GOLIM4: variants seen among roughly 807,000 people sequenced by gnomAD.
GOLIM4 encodes the protein golgi integral membrane protein 4.
In GOLIM4, 71 loss-of-function variants were observed where a neutral mutation model predicts 107.4. That is an observed-to-expected ratio of 0.66 (90% CI 0.55 to 0.81). The LOEUF (loss-of-function observed/expected upper bound fraction) is 0.81. GOLIM4 is among the 30% of genes least tolerant of loss of function. The pLI is 0.00. For synonymous variants in GOLIM4, 327 were observed against 294.8 expected, an observed-to-expected ratio of 1.11 and a Z score of -1.12; for missense variants, 830 against 826.1, an observed-to-expected ratio of 1.00 and a Z score of -0.06.
intron 1 of GOLIM4, among the ~76,000 whole-genome samples, chr3:168,070,894 C>T (rs1720800716): frequency 6.6e-6 from 1 of 152,136 alleles, no homozygotes; most frequent in South Asian, 2.1e-4. Flanking sequence ...AATAAGTTCG[C>T]TCTTCTTTGT....
At chr3:168,071,681 C>T (rs1273268388) in intron 1 of GOLIM4, among the ~76,000 whole-genome samples, 4 of 151,046 alleles carry the variant, frequency 2.6e-5, no homozygotes. Flanking sequence ...AAGAGAATGC[C>T]GACTTCACTG....
intron 1 of GOLIM4, among the ~76,000 whole-genome samples, chr3:168,056,787 G>T (rs1339023323): frequency 1.3e-5 from 2 of 152,174 alleles, no homozygotes; most frequent in African/African-American, 2.4e-5. Flanking sequence ...TACCCTCATT[G>T]TATCTAGGAA....
intron 11 of GOLIM4, 80 bp from the exon 12 acceptor site, chr3:168,027,917 T>A (rs898207431): frequency 4.7e-6 from 4 of 852,456 alleles, no homozygotes; most frequent in Non-Finnish European, 8.0e-6. Flanking sequence ...AAGCCACCAG[T>A]GGACTTTTCT....
rs762742281 is a variant in GOLIM4, at chr3:168,046,899, G to A, written c.312+51C>T. ...TATTTCTCTCTCTTTCAAGTTTTATGAAAACAAATTAAGGAAAACAAACAA... is the reference window on the plus strand; with the variant it reads ...TATTTCTCTCTCTTTCAAGTTTTATAAAAACAAATTAAGGAAAACAAACAA... On this transcript the variant is annotated intron_variant, in intron 3 of 15. Coordinates refer to ENST00000470487, the MANE Select transcript of GOLIM4 (RefSeq NM_014498.5). 7 of 984,600 alleles carry A rather than the reference G, an allele frequency of 7.1e-6. No individual in the cohort carries two copies. In the South Asian group the frequency reaches 8.3e-5, roughly 12 times the overall value. The allele number at this position is 984,600 out of a possible 1,614,324, so 61.0% of individuals were successfully genotyped here. A position where few individuals can be genotyped will look rare whatever the true frequency, so the allele number is the denominator to read the frequency against.
At chr3:168,082,865 A>C (rs1360717528) in intron 1 of GOLIM4, among the ~76,000 whole-genome samples, 3 of 152,196 alleles carry the variant, frequency 2.0e-5, no homozygotes, top group Admixed American at 1.3e-4. Flanking sequence ...CTTCTCACTG[A>C]CAAGAGCAGA....
chr3:168,060,985 A>G (rs1720238547), intron 1 of GOLIM4, among the ~76,000 whole-genome samples: 1 of 152,208 alleles, frequency 6.6e-6, no homozygotes, highest in African/African-American at 2.4e-5. Context: ...GTAGAGGTTA[A>G]TGGATTCATT....
intron 7 of GOLIM4, among the ~76,000 whole-genome samples, chr3:168,037,860 T>C (rs958488174): frequency 4.6e-5 from 7 of 152,242 alleles, no homozygotes; most frequent in Non-Finnish European, 8.8e-5. Context: ...AACACTGTTA[T>C]CCTGAAAACA....
At chr3:168,090,828 C>T (rs1265344021) in intron 1 of GOLIM4, among the ~76,000 whole-genome samples, 1 of 152,190 alleles carries the variant, frequency 6.6e-6, no homozygotes, top group African/African-American at 2.4e-5. Flanking sequence ...CCATGGAATA[C>T]TACTCAGCCG....
At chr3:168,023,570 T>C (rs7651955) in intron 14 of GOLIM4, among the ~76,000 whole-genome samples, 6,716 of 152,294 alleles carry the variant, frequency 0.044, 220 homozygotes, top group African/African-American at 0.091. Context: ...TCTCCAGTGA[T>C]GGGGTGTGTC....
In GOLIM4 at chr3:168,023,589, C is replaced by G. The variant is rs1480670289; in HGVS notation, c.1860+937G>C. Among the ~76,000 whole-genome samples the G allele has an allele frequency of 3.3e-5, 5 of 152,330 alleles. No individual in the cohort carries two copies. The South Asian group carries it at 6.2e-4, about 19-fold the overall frequency. Reference sequence around the variant, plus strand: ...CAGTGATGGGGTGTGTCTGTTCAGTCTGCCATATGTCCATCCTCCCATGGG... The same window carrying G: ...CAGTGATGGGGTGTGTCTGTTCAGTGTGCCATATGTCCATCCTCCCATGGG... On this transcript the variant is annotated intron_variant, in intron 14 of 15. Coordinates refer to ENST00000470487, the MANE Select transcript of GOLIM4 (RefSeq NM_014498.5).
chr3:168,024,743 A>C (rs1334962330), intron 13 of GOLIM4, 149 bp from the exon 14 acceptor site: 1 of 862,318 alleles, frequency 1.2e-6, no homozygotes, highest in East Asian at 2.5e-5. Context: ...CATTCCCAAT[A>C]CAAAGCCCAG....
chr3:168,059,671 T>C (rs1198604833), intron 1 of GOLIM4, among the ~76,000 whole-genome samples: 3 of 152,148 alleles, frequency 2.0e-5, no homozygotes, highest in Admixed American at 6.5e-5. Context: ...AAATAATAAA[T>C]AGAATAAATA....
In GOLIM4 at chr3:168,081,764, G is replaced by A. The variant is rs1721381141; in HGVS notation, c.187+13335C>T. Among the ~76,000 whole-genome samples the A allele has an allele frequency of 2.0e-5, 3 of 152,150 alleles. No homozygotes were observed. The South Asian group carries it at 6.2e-4, about 32-fold the overall frequency. ...GCATCAAATAATATCATGAATACAA[G>A]GCAATTCAGAAAGTACACATTTCTC... On this transcript the variant is annotated intron_variant, in intron 1 of 15. Transcript: ENST00000470487.
intron 12 of GOLIM4, among the ~76,000 whole-genome samples, chr3:168,027,384 T>A (rs1231338334): frequency 6.6e-6 from 1 of 152,182 alleles, no homozygotes; most frequent in East Asian, 1.9e-4. Flanking sequence ...CACACTTGCC[T>A]TTTATTCCTC....
At chr3:168,056,244 T>G (rs1719963871) in intron 1 of GOLIM4, among the ~76,000 whole-genome samples, 1 of 152,202 alleles carries the variant, frequency 6.6e-6, no homozygotes, top group African/African-American at 2.4e-5. Context: ...TTCCACACGG[T>G]GCTGAGCCTG....
At chr3:168,067,600 TTTTG>T (rs151238000) in intron 1 of GOLIM4, among the ~76,000 whole-genome samples, 1,668 of 152,094 alleles carry the variant, frequency 0.011, 30 homozygotes, top group African/African-American at 0.038. Flanking sequence ...ATTCTGTGTA[TTTTG>T]TTTTTCATTG....
chr3:168,056,105 G>C (rs886253787), intron 1 of GOLIM4, among the ~76,000 whole-genome samples: 1 of 152,204 alleles, frequency 6.6e-6, no homozygotes, highest in African/African-American at 2.4e-5. Context: ...CCAGGCCCAG[G>C]GTCCCTGTGC....
At chr3:168,039,138 G>A (rs894044868) in intron 7 of GOLIM4, among the ~76,000 whole-genome samples, 5 of 151,816 alleles carry the variant, frequency 3.3e-5, no homozygotes, top group East Asian at 1.9e-4. Flanking sequence ...TAACACATAT[G>A]GCTCTAATTA....
In GOLIM4 at chr3:168,011,716, C is replaced by T. The variant is rs1401950939; in HGVS notation, c.1861-893G>A. On this transcript the variant is annotated intron_variant, in intron 14 of 15. Transcript: ENST00000470487. Reference sequence around the variant, plus strand: ...AGATCTGAGAACGGGCAGACTGCCTCCTCAAGTGGGTCCCTGACCCCTTAC... The same window carrying T: ...AGATCTGAGAACGGGCAGACTGCCTTCTCAAGTGGGTCCCTGACCCCTTAC... Among the ~76,000 whole-genome samples the T allele has an allele frequency of 1.4e-5, 2 of 138,550 alleles. 1 individual carries two copies. Among genetic ancestry groups the T allele is most frequent in the African/African-American group, 6.8e-5 (2 of 29,220 alleles). The allele number at this position is 138,550 out of a possible 152,430, so 90.9% of individuals were successfully genotyped here.
Sources: allele counts gnomAD v4.1 joint callset (sites outside exome capture counted in the v4.1 genomes callset), GRCh38; gene constraint gnomAD v4.1.1; transcripts MANE v1.5; gene names NCBI Gene and HGNC (gene_info 2026-07-23, HGNC 2026-07-21).